The following NPFFR2 variants were observed in gnomAD, a reference collection of about 807,000 sequenced individuals.
NPFFR2 encodes neuropeptide FF receptor 2.
Under a neutral mutation model 13.1 loss-of-function variants are expected in NPFFR2, and 15 were observed. That is an observed-to-expected ratio of 1.15 (90% confidence interval 0.77 to 1.76). The LOEUF (loss-of-function observed/expected upper bound fraction) is 1.76, where lower values mean the gene tolerates loss of function less well. Among genes scored for constraint, NPFFR2 ranks in the 40% most tolerant of loss-of-function variants. NPFFR2 has a pLI of 0.00. For synonymous variants in NPFFR2, 190 were observed against 175.7 expected, an observed-to-expected ratio of 1.08 and a Z score of -0.65; for missense variants, 572 against 503.5, an observed-to-expected ratio of 1.14 and a Z score of -1.30.
intron 1 of NPFFR2, among the ~76,000 whole-genome samples, chr4:72,068,272 G>T (rs1477815412): frequency 6.6e-6 from 1 of 152,184 alleles, no homozygotes; most frequent in Non-Finnish European, 1.5e-5. Flanking sequence ...TGTCTGGTGA[G>T]GGCTGTTCTC....
intron 1 of NPFFR2, among the ~76,000 whole-genome samples, chr4:72,094,857 C>T (rs901362595): frequency 4.6e-5 from 7 of 152,180 alleles, no homozygotes; most frequent in African/African-American, 1.2e-4. Context: ...TATGTTCCTG[C>T]CGTGGTTCTT....
intron 1 of NPFFR2, among the ~76,000 whole-genome samples, chr4:72,051,062 G>A (rs1310245014): frequency 3.9e-5 from 6 of 151,952 alleles, no homozygotes; most frequent in Middle Eastern, 3.4e-3. Context: ...GAATAGTGCC[G>A]CAATAAACAT....
intron 1 of NPFFR2, among the ~76,000 whole-genome samples, chr4:72,063,604 G>A (rs1719985255): frequency 6.6e-6 from 1 of 152,170 alleles, no homozygotes; most frequent in Non-Finnish European, 1.5e-5. Flanking sequence ...CATAATATTA[G>A]TTGGCATAAA....
intron 1 of NPFFR2, among the ~76,000 whole-genome samples, chr4:72,050,525 T>A (rs1719513371): frequency 6.6e-6 from 1 of 150,986 alleles, no homozygotes. Context: ...AATACCAAAT[T>A]CCAACCCGAC....
Position 72,089,617 on chromosome 4 carries a change from A to G in NPFFR2, c.-7-38968A>G, listed in dbSNP as rs113768981. Among the ~76,000 whole-genome samples the G allele has an allele frequency of 2.9e-3, 447 of 152,190 alleles. 1 individual carries two copies. Among genetic ancestry groups the G allele is most frequent in the Admixed American group, 6.7e-3 (103 of 15,270 alleles). ...TTTCATTTGTTTGTTGGCCATTTGT[A>G]TATCTTCTTTTGAGAGTTGTCTATT... On this transcript the variant is annotated intron_variant, in intron 1 of 3. Coordinates refer to ENST00000308744, the MANE Select transcript of NPFFR2 (RefSeq NM_004885.3).
At chr4:72,144,694 CACAA>C (rs957268615) in intron 3 of NPFFR2, among the ~76,000 whole-genome samples, 5 of 152,270 alleles carry the variant, frequency 3.3e-5, no homozygotes, top group African/African-American at 1.2e-4. Flanking sequence ...CCACACCATA[CACAA>C]ACAAAATAAA....
intron 1 of NPFFR2, among the ~76,000 whole-genome samples, chr4:72,042,524 T>G (rs2109756634): frequency 6.6e-6 from 1 of 152,316 alleles, no homozygotes; most frequent in Middle Eastern, 3.4e-3. Flanking sequence ...GTTTGGAACT[T>G]CCTAGAGACT....
At chr4:72,053,652 C>T (rs1719656724) in intron 1 of NPFFR2, among the ~76,000 whole-genome samples, 1 of 151,720 alleles carries the variant, frequency 6.6e-6, no homozygotes, top group South Asian at 2.1e-4. Flanking sequence ...ATCTTGAGAA[C>T]TTACTAAATT....
rs144061446 is a variant in NPFFR2, at chr4:72,062,205, A to G, written c.-8+30005A>G. On this transcript the variant is annotated intron_variant, in intron 1 of 3. Transcript: ENST00000308744. ...TATGTTTAATCAGCATTGCTTTTACATAAAGGACACTCATCTGAAAGCTCA... is the reference window on the plus strand; with the variant it reads ...TATGTTTAATCAGCATTGCTTTTACGTAAAGGACACTCATCTGAAAGCTCA... 1.3e-3 allele frequency among the ~76,000 whole-genome samples: 196 copies of G among 152,216 alleles called. 1 individual carries two copies. Among genetic ancestry groups the G allele is most frequent in the African/African-American group, 4.2e-3 (174 of 41,550 alleles).
At chr4:72,084,488 C>A (rs934663607) in intron 1 of NPFFR2, among the ~76,000 whole-genome samples, 3 of 152,118 alleles carry the variant, frequency 2.0e-5, no homozygotes, top group African/African-American at 4.8e-5. Context: ...ATGACTATAT[C>A]AAAAATTACA....
In NPFFR2 at chr4:72,111,502, ACCT is replaced by A. The variant is rs1367185449; in HGVS notation, c.-7-17082_-7-17080del. 2.0e-5 allele frequency among the ~76,000 whole-genome samples: 3 copies of A among 152,060 alleles called. No individual in the cohort carries two copies. In the South Asian group the frequency reaches 6.2e-4, roughly 32 times the overall value. On this transcript the variant is annotated intron_variant, in intron 1 of 3. Coordinates refer to ENST00000308744, the MANE Select transcript of NPFFR2 (RefSeq NM_004885.3). ...TTGAATGCTTGATAATCTACAGTTAACCTTCAGGGACTGGCCAGACAGCTCTGT... is the reference window on the plus strand; with the variant it reads ...TTGAATGCTTGATAATCTACAGTTAATCAGGGACTGGCCAGACAGCTCTGT...
chr4:72,100,350 T>C (rs114834417), intron 1 of NPFFR2, among the ~76,000 whole-genome samples: 2,494 of 152,222 alleles, frequency 0.016, 78 homozygotes, highest in African/African-American at 0.057. Context: ...TCTGTGTGAA[T>C]ATGTATAAGC....
chr4:72,074,355 A>G lies in NPFFR2; in HGVS notation c.-8+42155A>G, dbSNP rs548500199. Among the ~76,000 whole-genome samples the G allele has an allele frequency of 2.6e-5, 4 of 152,172 alleles. No individual in the cohort carries two copies. The South Asian group carries it at 8.3e-4, about 32-fold the overall frequency. On this transcript the variant is annotated intron_variant, in intron 1 of 3. Transcript: ENST00000308744. ...GATTTTGTCATCTCACTTCATCACA[A>G]GAAGAAGAAGGGTGAGGACAGTGCA...
At chr4:72,137,682 G>A (rs1722459262) in intron 2 of NPFFR2, among the ~76,000 whole-genome samples, 1 of 152,082 alleles carries the variant, frequency 6.6e-6, no homozygotes, top group African/African-American at 2.4e-5. Context: ...TTCTTAAAAT[G>A]CTCCTAACTA....
intron 3 of NPFFR2, among the ~76,000 whole-genome samples, chr4:72,140,453 G>C (rs1000750087): frequency 1.3e-5 from 2 of 152,174 alleles, no homozygotes; most frequent in Non-Finnish European, 1.5e-5. Flanking sequence ...AGATTATTGA[G>C]AGTTTTTAGC....
At chr4:72,094,027 C>T (rs2109804121) in intron 1 of NPFFR2, among the ~76,000 whole-genome samples, 1 of 151,696 alleles carries the variant, frequency 6.6e-6, no homozygotes, top group South Asian at 2.1e-4. Flanking sequence ...TTGGGTACTT[C>T]CTTGATTTGG....
At chr4:72,114,834 A>G (rs1468027460) in intron 1 of NPFFR2, among the ~76,000 whole-genome samples, 1 of 152,132 alleles carries the variant, frequency 6.6e-6, no homozygotes, top group African/African-American at 2.4e-5. Context: ...AGGTTACCAT[A>G]AAGTCTCTGA....
chr4:72,092,788 A>G (rs191865522), intron 1 of NPFFR2, among the ~76,000 whole-genome samples: 12 of 152,140 alleles, frequency 7.9e-5, no homozygotes, highest in Admixed American at 6.5e-4. Flanking sequence ...ATTCTTATTC[A>G]TTTTGCCATT....
chr4:72,060,361 A>G (rs773263032), intron 1 of NPFFR2, among the ~76,000 whole-genome samples: 5 of 152,044 alleles, frequency 3.3e-5, no homozygotes, highest in Non-Finnish European at 4.4e-5. Context: ...ACCTCTTTCA[A>G]TGACACCATC....
Sources: allele counts gnomAD v4.1 joint callset (sites outside exome capture counted in the v4.1 genomes callset), GRCh38; gene constraint gnomAD v4.1.1; transcripts MANE v1.5; gene names NCBI Gene and HGNC (gene_info 2026-07-23, HGNC 2026-07-21).